RSBN1L: variants seen among roughly 807,000 people sequenced by gnomAD.
RSBN1L encodes lysine-specific demethylase RSBN1L.
A neutral mutation model predicts 67.7 loss-of-function variants in RSBN1L; 30 were observed. The observed-to-expected ratio is 0.44, with a 90% CI of 0.33 to 0.60. The LOEUF is 0.60. Among genes scored for constraint, RSBN1L ranks in the 20% least tolerant of loss-of-function variants. The probability of loss-of-function intolerance (pLI) is 0.02; values close to 1 mark genes in which losing one functional copy is unlikely to be tolerated. For missense variants in RSBN1L, 992 were observed against 1,031.7 expected, an observed-to-expected ratio of 0.96 and a Z score of 0.53; for synonymous variants, 433 against 387.0, an observed-to-expected ratio of 1.12 and a Z score of -1.39.
intron 5 of RSBN1L, among the ~76,000 whole-genome samples, chr7:77,772,288 T>TG (rs1212543611): frequency 6.6e-6 from 1 of 152,154 alleles, no homozygotes; most frequent in Non-Finnish European, 1.5e-5. Context: ...GAGTGATCCC[T>TG]GGGAAGATAG....
Position 77,768,256 on chromosome 7 carries a change from T to C in RSBN1L, c.1483-405T>C, listed in dbSNP as rs563255555. ...TATGTTTTGATTTTGTTTTGTTTTG[T>C]TTTTAATTATCATTAATCAAAGAGG... On this transcript the variant is annotated intron_variant, in intron 4 of 7. Coordinates refer to ENST00000334955, the MANE Select transcript of RSBN1L (RefSeq NM_198467.3). 3.9e-5 allele frequency: 6 copies of C among 155,484 alleles called. No individual in the cohort carries two copies. The South Asian group carries it at 1.2e-3, about 31-fold the overall frequency. 9.6% of individuals were successfully genotyped at this position (155,484 alleles called of 1,614,324 possible). A position where few individuals can be genotyped will look rare whatever the true frequency, so the allele number is the denominator to read the frequency against.
At chr7:77,751,129 T>C (rs1348351284) in intron 3 of RSBN1L, among the ~76,000 whole-genome samples, 1 of 149,788 alleles carries the variant, frequency 6.7e-6, no homozygotes, top group Non-Finnish European at 1.5e-5. Flanking sequence ...TAGTAGATTG[T>C]AGTCTGGAAA....
chr7:77,773,067 T>C (rs1237959964), intron 5 of RSBN1L, 80 bp from the exon 6 acceptor site: 1 of 698,762 alleles, frequency 1.4e-6, no homozygotes, highest in Non-Finnish European at 2.2e-6. Flanking sequence ...TATATTTTTG[T>C]CTGAATTATG....
chr7:77,723,645 A>G (rs1791152463), intron 1 of RSBN1L, among the ~76,000 whole-genome samples: 1 of 151,836 alleles, frequency 6.6e-6, no homozygotes, highest in Non-Finnish European at 1.5e-5. Flanking sequence ...ATTTAAAAAG[A>G]ATTTTTTTGG....
intron 1 of RSBN1L, among the ~76,000 whole-genome samples, chr7:77,704,553 C>T (rs896309358): frequency 4.6e-5 from 7 of 152,028 alleles, no homozygotes; most frequent in Admixed American, 1.3e-4. Context: ...TTTTTTTCAC[C>T]TCCGCTCCTC....
chr7:77,710,198 TC>T (rs1473371900), intron 1 of RSBN1L, among the ~76,000 whole-genome samples: 1 of 152,238 alleles, frequency 6.6e-6, no homozygotes, highest in African/African-American at 2.4e-5. Flanking sequence ...ACTTCATTCT[TC>T]ATGCTATATA....
intron 3 of RSBN1L, among the ~76,000 whole-genome samples, chr7:77,763,149 C>CTTTTTT (rs11440608): frequency 2.4e-5 from 3 of 126,942 alleles, no homozygotes; most frequent in Non-Finnish European, 3.3e-5. Context: ...TATAATTTGA[C>CTTTTTT]TTTTTTTTTT....
chr7:77,706,662 G>T (rs1790897294), intron 1 of RSBN1L, among the ~76,000 whole-genome samples: 1 of 152,230 alleles, frequency 6.6e-6, no homozygotes, highest in South Asian at 2.1e-4. Flanking sequence ...TTAAAATTTG[G>T]CAATCTATTT....
At chr7:77,769,823 C>T (rs1213575834) in intron 5 of RSBN1L, among the ~76,000 whole-genome samples, 1 of 152,056 alleles carries the variant, frequency 6.6e-6, no homozygotes, top group African/African-American at 2.4e-5. Context: ...ATATTATAGG[C>T]TGGTAGGTAT....
intron 1 of RSBN1L, among the ~76,000 whole-genome samples, chr7:77,730,650 C>T (rs752662645): frequency 5.1e-4 from 78 of 152,282 alleles, no homozygotes; most frequent in Non-Finnish European, 3.1e-4. Context: ...TAGAAGCATA[C>T]GTTATGTAGC....
intron 3 of RSBN1L, among the ~76,000 whole-genome samples, chr7:77,759,151 C>T (rs13229008): frequency 6.6e-6 from 1 of 152,098 alleles, no homozygotes; most frequent in Non-Finnish European, 1.5e-5. Context: ...TGTGCTGGGG[C>T]CATTCACTGT....
At position 77,727,566 on chromosome 7, in the gene RSBN1L, C is replaced by T. The variant is rs1168634663; in HGVS notation, c.587-8844C>T. 2.6e-5 allele frequency among the ~76,000 whole-genome samples: 4 copies of T among 151,702 alleles called. No individual in the cohort carries two copies. The East Asian group carries it at 7.7e-4, about 29-fold the overall frequency. The stretch of plus-strand genomic sequence containing the variant: ...TGTCACCCAGGTTAGAATGCAGTGG[C>T]TCAGTTAGTAGCAGGGACTACAGGC... On this transcript the variant is annotated intron_variant, in intron 1 of 7. Transcript: ENST00000334955.
At chr7:77,767,936 C>T (rs953103778) in intron 4 of RSBN1L, among the ~76,000 whole-genome samples, 3 of 142,264 alleles carry the variant, frequency 2.1e-5, no homozygotes, top group South Asian at 2.4e-4. Flanking sequence ...CTGCAACCTC[C>T]GCCTCCGAGG....
At chr7:77,742,806 G>C (rs565389035) in intron 2 of RSBN1L, among the ~76,000 whole-genome samples, 1 of 152,178 alleles carries the variant, frequency 6.6e-6, no homozygotes, top group East Asian at 1.9e-4. Flanking sequence ...CGATTGCACT[G>C]CACCCTGGGC....
chr7:77,732,554 G>C (rs748452728), intron 1 of RSBN1L, among the ~76,000 whole-genome samples: 1 of 152,066 alleles, frequency 6.6e-6, no homozygotes, highest in Non-Finnish European at 1.5e-5. Flanking sequence ...GGTTGGTCTC[G>C]AACTCCTGAT....
chr7:77,719,937 G>A (rs1408880192), intron 1 of RSBN1L, among the ~76,000 whole-genome samples: 3 of 152,072 alleles, frequency 2.0e-5, no homozygotes, highest in Non-Finnish European at 4.4e-5. Flanking sequence ...GCTAATTATT[G>A]TATTTTCCGT....
At chr7:77,701,151 C>CAAA (rs1221326900) in intron 1 of RSBN1L, among the ~76,000 whole-genome samples, 37 of 88,432 alleles carry the variant, frequency 4.2e-4, no homozygotes, top group African/African-American at 1.2e-3. Context: ...GACTCTGGCT[C>CAAA]AAAAAAAAAA....
chr7:77,721,208 C>T (rs1386030858), intron 1 of RSBN1L, among the ~76,000 whole-genome samples: 1 of 150,558 alleles, frequency 6.6e-6, no homozygotes. Flanking sequence ...AAAGACACTG[C>T]TCATTGTTGG....
At chr7:77,766,205 TA>T (rs564479599) in intron 4 of RSBN1L, among the ~76,000 whole-genome samples, 6 of 152,344 alleles carry the variant, frequency 3.9e-5, no homozygotes, top group Admixed American at 3.9e-4. Flanking sequence ...CTATTTAATT[TA>T]TTTTTTTGAG....
Sources: gnomAD v4.1 joint callset for allele counts (sites outside exome capture counted in the v4.1 genomes callset) on GRCh38, gnomAD v4.1.1 for gene constraint, MANE v1.5 for transcripts, NCBI Gene and HGNC (gene_info 2026-07-23, HGNC 2026-07-21) for gene names.